Variants in JAM3 observed in about 807,000 individuals in gnomAD.
The protein encoded by JAM3 is junctional adhesion molecule C.
Under a neutral mutation model 39.4 loss-of-function variants are expected in JAM3, and 31 were observed. That is an observed-to-expected ratio of 0.79 (90% CI 0.59 to 1.06). The LOEUF (loss-of-function observed/expected upper bound fraction) is 1.06, where lower values mean the gene tolerates loss of function less well. Ranked by LOEUF, JAM3 falls within the 50% of genes least tolerant of loss-of-function variation. JAM3 has a pLI of 0.00. For missense variants in JAM3, 455 were observed against 391.4 expected, an observed-to-expected ratio of 1.16 and a Z score of -1.37; for synonymous variants, 182 against 148.7, an observed-to-expected ratio of 1.22 and a Z score of -1.63.
At chr11:134,135,608 G>T (rs1209164855) in intron 1 of JAM3, among the ~76,000 whole-genome samples, 1 of 151,166 alleles carries the variant, frequency 6.6e-6, no homozygotes, top group East Asian at 1.9e-4. Flanking sequence ...CCTGATCTCA[G>T]CTCACTGTAA....
intron 1 of JAM3, among the ~76,000 whole-genome samples, chr11:134,098,231 A>C (rs140490692): frequency 6.6e-6 from 1 of 152,336 alleles, no homozygotes; most frequent in Non-Finnish European, 1.5e-5. Context: ...CAGAAAACTT[A>C]GTTTACAAAT....
intron 1 of JAM3, among the ~76,000 whole-genome samples, chr11:134,128,756 T>A (rs1942704417): frequency 6.6e-6 from 1 of 152,166 alleles, no homozygotes; most frequent in African/African-American, 2.4e-5. Flanking sequence ...GAACTGTGAG[T>A]CAATTAAACC....
Position 134,151,297 on chromosome 11 carries a change from G to T in JAM3, c.*2116G>T, listed in dbSNP as rs187712551. ...CAGGAAATGCTCCAGCAGTGGCTCA[G>T]TGCTCCCTGGTGTCTGCTGCATGGC... On this transcript the variant is annotated 3_prime_UTR_variant, in exon 9 of 9. Transcript: ENST00000299106. 2.0e-5 allele frequency: 3 copies of T among 152,372 alleles called. No homozygotes were observed. The highest frequency in any genetic ancestry group is 1.5e-5 in the Non-Finnish European group (1 of 68,056). The allele number at this position is 152,372 out of a possible 1,614,324, so 9.4% of individuals were successfully genotyped here. A position where few individuals can be genotyped will look rare whatever the true frequency, so the allele number is the denominator to read the frequency against.
intron 1 of JAM3, among the ~76,000 whole-genome samples, chr11:134,093,249 T>C (rs1206432495): frequency 6.1e-5 from 8 of 131,386 alleles, no homozygotes; most frequent in East Asian, 5.8e-4. Context: ...ACATGTCACT[T>C]CCTGAGGGAA....
At chr11:134,148,330 A>G in intron 6 of JAM3, 1 of 603,676 alleles carries the variant, frequency 1.7e-6, no homozygotes, top group South Asian at 2.0e-5. Flanking sequence ...CAACTGTAGA[A>G]GTCTCAGTAC....
intron 5 of JAM3, 114 bp downstream of exon 5, chr11:134,145,108 A>C: frequency 1.1e-6 from 1 of 881,468 alleles, no homozygotes; most frequent in South Asian, 1.4e-5. Context: ...ACAGGAGTCA[A>C]AAATCTAGAA....
chr11:134,074,020 C>T (rs1476489444), intron 1 of JAM3, among the ~76,000 whole-genome samples: 1 of 152,166 alleles, frequency 6.6e-6, no homozygotes, highest in Non-Finnish European at 1.5e-5. Flanking sequence ...TTTCTGCCAT[C>T]TGCTTTTGTG....
At chr11:134,076,211 A>G (rs533398575) in intron 1 of JAM3, among the ~76,000 whole-genome samples, 72 of 141,132 alleles carry the variant, frequency 5.1e-4, no homozygotes, top group African/African-American at 1.8e-3. Context: ...CTGGAGTACA[A>G]TGGTGCAATC....
At chr11:134,148,706 G>A in intron 7 of JAM3, 30 bp downstream of exon 7, 2 of 1,614,106 alleles carry the variant, frequency 1.2e-6, no homozygotes, top group Non-Finnish European at 8.5e-7. Context: ...AAAAAGGGAA[G>A]TTCAAGCTGG....
intron 1 of JAM3, among the ~76,000 whole-genome samples, chr11:134,083,184 C>T (rs779854210): frequency 6.6e-6 from 1 of 152,168 alleles, no homozygotes; most frequent in East Asian, 1.9e-4. Flanking sequence ...GTTAGTACAG[C>T]TTGTGCAGAC....
chr11:134,123,696 G>C (rs1326065048), intron 1 of JAM3: 1 of 467,648 alleles, frequency 2.1e-6, no homozygotes, highest in Admixed American at 3.5e-5. Context: ...ATCATGAGGA[G>C]AGTGGTTGAG....
chr11:134,116,906 A>G (rs868427015), intron 1 of JAM3, among the ~76,000 whole-genome samples: 9 of 152,160 alleles, frequency 5.9e-5, no homozygotes, highest in African/African-American at 2.2e-4. Flanking sequence ...TTCCCCTTGC[A>G]TATTCATTCT....
chr11:134,138,406 G>T (rs1303772837), intron 1 of JAM3, among the ~76,000 whole-genome samples: 3 of 113,094 alleles, frequency 2.7e-5, no homozygotes, highest in African/African-American at 3.9e-5. Context: ...CGTCGAAGTC[G>T]TGGTGCTCAT....
intron 1 of JAM3, among the ~76,000 whole-genome samples, chr11:134,134,491 A>G (rs377112732): frequency 1.3e-4 from 20 of 151,834 alleles, no homozygotes; most frequent in African/African-American, 4.1e-4. Flanking sequence ...ACAGAGGGGA[A>G]AAGTACCTTA....
At position 134,149,839 on chromosome 11, in the gene JAM3, T is replaced by G. The variant is rs183904833; in HGVS notation, c.*658T>G. The G allele has an allele frequency of 3.1e-3, 1,053 of 335,518 alleles. 3 individuals carry two copies. The highest frequency in any genetic ancestry group is 5.3e-3 in the Non-Finnish European group (894 of 169,354). The allele number at this position is 335,518 out of a possible 1,614,324, so 20.8% of individuals were successfully genotyped here. ...CTGCTTGTCCAACAGGGTGTCAGGATTTAAGGAAAACCTTCGTCTTAGGCT... is the reference window on the plus strand; with the variant it reads ...CTGCTTGTCCAACAGGGTGTCAGGAGTTAAGGAAAACCTTCGTCTTAGGCT... On this transcript the variant is annotated 3_prime_UTR_variant, in exon 9 of 9. Coordinates refer to ENST00000299106, the MANE Select transcript of JAM3 (RefSeq NM_032801.5).
At chr11:134,090,947 G>T (rs1941836885) in intron 1 of JAM3, among the ~76,000 whole-genome samples, 1 of 152,184 alleles carries the variant, frequency 6.6e-6, no homozygotes, top group Non-Finnish European at 1.5e-5. Context: ...ATGCACCATG[G>T]TTAGGTTTAC....
intron 1 of JAM3, among the ~76,000 whole-genome samples, chr11:134,118,651 A>G (rs1318071302): frequency 6.6e-6 from 1 of 151,948 alleles, no homozygotes; most frequent in Non-Finnish European, 1.5e-5. Context: ...TCTCCCTGCC[A>G]CCACTCCTTC....
At chr11:134,133,438 T>G (rs539691112) in intron 1 of JAM3, among the ~76,000 whole-genome samples, 2 of 152,334 alleles carry the variant, frequency 1.3e-5, no homozygotes, top group Admixed American at 1.3e-4. Context: ...GTTTTTCATA[T>G]ATGACCTTTA....
At chr11:134,086,680 T>C (rs1941750301) in intron 1 of JAM3, among the ~76,000 whole-genome samples, 1 of 152,192 alleles carries the variant, frequency 6.6e-6, no homozygotes, top group African/African-American at 2.4e-5. Flanking sequence ...AATAAATAGC[T>C]ATTAAGAATG....
Sources: gnomAD v4.1 joint callset for allele counts (sites outside exome capture counted in the v4.1 genomes callset) on GRCh38, gnomAD v4.1.1 for gene constraint, MANE v1.5 for transcripts, NCBI Gene and HGNC (gene_info 2026-07-23, HGNC 2026-07-21) for gene names.